Variants in G3BP1 observed in about 807,000 individuals in gnomAD.
G3BP1 encodes the protein G3BP stress granule assembly factor 1, also known as ras GTPase-activating protein-binding protein 1.
In G3BP1, 35 loss-of-function variants were observed where a neutral mutation model predicts 58.6. The ratio of observed to expected loss-of-function variants is 0.60; its 90% CI spans 0.46 to 0.79. The LOEUF (loss-of-function observed/expected upper bound fraction) is 0.79. Among genes scored for constraint, G3BP1 ranks in the 30% least tolerant of loss-of-function variants. G3BP1 has a pLI of 0.00. For synonymous variants in G3BP1, 191 were observed against 195.4 expected (o/e 0.98, Z 0.19); for missense variants, 523 against 580.8 (o/e 0.90, Z 1.02).
chr5:151,792,409 A>C (rs1340235295), intron 4 of G3BP1, among the ~76,000 whole-genome samples: 2 of 152,242 alleles, frequency 1.3e-5, no homozygotes, highest in Non-Finnish European at 2.9e-5. Flanking sequence ...TAATTTTTAG[A>C]GGAAGGCTTA....
intron 1 of G3BP1, among the ~76,000 whole-genome samples, chr5:151,780,790 G>T (rs1374661429): frequency 1.3e-5 from 2 of 152,154 alleles, no homozygotes; most frequent in Non-Finnish European, 2.9e-5. Flanking sequence ...GGGATTACAG[G>T]TGTGAGCCAC....
Position 151,797,332 on chromosome 5 carries a change from T to C in G3BP1, c.645T>C (p.Pro215=), listed in dbSNP as rs1762770290. The stretch of plus-strand genomic sequence containing the variant: ...TATCTGAAATCCAAGAGGAAAAGCC[T>C]GAGCCAGTATTAGAAGAAACTGCCC... The part of the protein sequence containing the change: ...EPVSEIQEEK[P]EPVLEETAPE... The change falls in exon 7 of 12, where the codon CCT becomes CCC. Residue 215 remains proline (P), a synonymous_variant. Transcript: ENST00000356245. The C allele has an allele frequency of 6.2e-7, 1 of 1,613,992 alleles. No individual in the cohort carries two copies.
chr5:151,783,907 C>T (rs1362076945), intron 1 of G3BP1, among the ~76,000 whole-genome samples: 1 of 151,918 alleles, frequency 6.6e-6, no homozygotes, highest in Admixed American at 6.6e-5. Flanking sequence ...GGATTACAGG[C>T]GCGTGCCACC....
intron 4 of G3BP1, chr5:151,792,027 T>C (rs970824318): frequency 9.2e-5 from 41 of 446,182 alleles, no homozygotes; most frequent in African/African-American, 4.5e-4. Flanking sequence ...TGAACACTTA[T>C]GGCAAAATAT....
At chr5:151,778,882 C>G (rs1049086480) in intron 1 of G3BP1, among the ~76,000 whole-genome samples, 9 of 151,718 alleles carry the variant, frequency 5.9e-5, no homozygotes, top group Non-Finnish European at 8.8e-5. Context: ...CATGGTGAAC[C>G]CTCATCTCTA....
At chr5:151,791,562 A>C (rs1307928210) in intron 4 of G3BP1, 1 of 158,968 alleles carries the variant, frequency 6.3e-6, no homozygotes, top group Non-Finnish European at 1.4e-5. Context: ...TATGGGTGTC[A>C]TTCAGTGCTT....
At chr5:151,803,862 T>G in intron 11 of G3BP1, 23 bp from the exon 12 acceptor site, 1 of 1,539,972 alleles carries the variant, frequency 6.5e-7, no homozygotes, top group South Asian at 1.1e-5. Context: ...TACTCTTAAG[T>G]CTGGTCACCT....
At chr5:151,800,999 A>G (rs1762841085) in intron 11 of G3BP1, 130 bp downstream of exon 11, 2 of 563,040 alleles carry the variant, frequency 3.6e-6, no homozygotes, top group Admixed American at 6.6e-5. Flanking sequence ...TAATTTATTC[A>G]TTATTTTCAA....
In G3BP1 at chr5:151,799,091, A is replaced by G. The variant is rs1479866620; in HGVS notation, c.742-121A>G. On this transcript the variant is annotated intron_variant, in intron 7 of 11. Coordinates refer to ENST00000356245, the MANE Select transcript of G3BP1 (RefSeq NM_005754.3). ...AGAAGAATCTTAATATATATATATA[A>G]ACTCCATCCTGCCTATGAGAATGTG... 43 of 656,418 alleles carry G rather than the reference A, an allele frequency of 6.6e-5. No individual in the cohort carries two copies. In the East Asian group the frequency reaches 1.2e-3, roughly 18 times the overall value. The allele number at this position is 656,418 out of a possible 1,614,324, so 40.7% of individuals were successfully genotyped here. A position where few individuals can be genotyped will look rare whatever the true frequency, so the allele number is the denominator to read the frequency against.
intron 1 of G3BP1, among the ~76,000 whole-genome samples, chr5:151,778,509 T>A (rs1321624887): frequency 6.6e-6 from 1 of 152,266 alleles, no homozygotes; most frequent in East Asian, 1.9e-4. Flanking sequence ...TGGCGCCATC[T>A]CTGCTCACTA....
intron 6 of G3BP1, among the ~76,000 whole-genome samples, chr5:151,796,877 T>C (rs1046329363): frequency 3.3e-5 from 5 of 151,374 alleles, no homozygotes; most frequent in African/African-American, 4.9e-5. Context: ...GAATGGCAAC[T>C]TTCTTTCCCG....
chr5:151,789,300 C>T (rs901053217), intron 2 of G3BP1, among the ~76,000 whole-genome samples: 10 of 151,808 alleles, frequency 6.6e-5, no homozygotes, highest in African/African-American at 1.9e-4. Flanking sequence ...CAAAAAAAGG[C>T]GGAGGTTGCA....
intron 1 of G3BP1, among the ~76,000 whole-genome samples, chr5:151,784,365 A>G (rs967368425): frequency 6.6e-6 from 1 of 152,282 alleles, no homozygotes; most frequent in Non-Finnish European, 1.5e-5. Flanking sequence ...TATGTCTGCT[A>G]TCTTAATCTA....
At chr5:151,775,592 A>G (rs1762355596) in intron 1 of G3BP1, among the ~76,000 whole-genome samples, 1 of 152,240 alleles carries the variant, frequency 6.6e-6, no homozygotes, top group African/African-American at 2.4e-5. Flanking sequence ...CTGTTTATGC[A>G]AAGCCATAGG....
In G3BP1 at chr5:151,810,660, C is replaced by G. The variant is rs1763006379; in HGVS notation, c.*6569C>G. On this transcript the variant is annotated 3_prime_UTR_variant, in exon 12 of 12. Transcript: ENST00000356245. The stretch of plus-strand genomic sequence containing the variant: ...TAGGGAGTTCATCTCTGTATTCCAC[C>G]AGAAGGTACAGTGACTCATAACTAG... 1 of 152,148 alleles carries G rather than the reference C, an allele frequency of 6.6e-6. No individual in the cohort carries two copies. Among genetic ancestry groups the G allele is most frequent in the Non-Finnish European group, 1.5e-5 (1 of 68,020 alleles). 9.4% of individuals were successfully genotyped at this position (152,148 alleles called of 1,614,324 possible).
chr5:151,774,377 A>C (rs1762330006), intron 1 of G3BP1, among the ~76,000 whole-genome samples: 1 of 151,764 alleles, frequency 6.6e-6, no homozygotes, highest in African/African-American at 2.4e-5. Context: ...AGTATTTTGC[A>C]TAGAAAGTGA....
At chr5:151,773,365 A>G (rs1561528794) in intron 1 of G3BP1, among the ~76,000 whole-genome samples, 2 of 152,184 alleles carry the variant, frequency 1.3e-5, no homozygotes, top group African/African-American at 2.4e-5. Flanking sequence ...GTCATGCTGG[A>G]TGAATTACTG....
Position 151,812,496 on chromosome 5 carries a change from G to A in G3BP1, c.*8405G>A, listed in dbSNP as rs960972597. On this transcript the variant is annotated 3_prime_UTR_variant, in exon 12 of 12. Transcript: ENST00000356245. ...TAAAGACAAAGGGTGCATCTTTTGT[G>A]CAAGTATCTAAGCGGGCAAAATGGG... is the stretch of plus-strand genomic sequence containing the variant. The A allele has an allele frequency of 4.3e-4, 65 of 152,292 alleles. No homozygotes were observed. The highest frequency in any genetic ancestry group is 1.5e-3 in the African/African-American group (64 of 41,566). The allele number at this position is 152,292 out of a possible 1,614,324, so 9.4% of individuals were successfully genotyped here.
intron 2 of G3BP1, among the ~76,000 whole-genome samples, chr5:151,789,616 C>T (rs995052698): frequency 3.3e-5 from 5 of 152,216 alleles, no homozygotes; most frequent in Admixed American, 6.5e-5. Flanking sequence ...GGGAACCGCT[C>T]ACGCTTATTC....
Sources: allele counts gnomAD v4.1 joint callset (sites outside exome capture counted in the v4.1 genomes callset), GRCh38; gene constraint gnomAD v4.1.1; transcripts MANE v1.5; gene names NCBI Gene and HGNC (gene_info 2026-07-23, HGNC 2026-07-21).